Variants in NEMP2 observed in about 807,000 individuals in gnomAD.
NEMP2 encodes the protein UPF0571 transmembrane protein.
NEMP2 carries 53 observed loss-of-function variants against 54.2 expected under a neutral mutation model. The ratio of observed to expected loss-of-function variants is 0.98; its 90% CI spans 0.78 to 1.23. The LOEUF (loss-of-function observed/expected upper bound fraction) is 1.23. Among genes scored for constraint, NEMP2 ranks in the 50% most tolerant of loss-of-function variants. The pLI, the probability that NEMP2 is intolerant of heterozygous loss-of-function variation, is 0.00. For synonymous variants in NEMP2, 197 were observed against 190.3 expected (o/e 1.04, Z -0.29); for missense variants, 455 against 511.3 (o/e 0.89, Z 1.06).
At chr2:190,470,952 T>C in the NEMP2 span, among the ~76,000 whole-genome samples, 1 of 152,096 alleles carries the variant, frequency 6.6e-6, no homozygotes. Context: ...GATGCAATGG[T>C]GTAGCTAGTA....
At chr2:190,626,157 T>A in the NEMP2 span, 1 of 152,152 alleles carries the variant, frequency 6.6e-6, no homozygotes, top group Non-Finnish European at 1.5e-5. This position sits in a 1 kb window ranked among gnomAD's most constrained non-coding sequence, Gnocchi z 4.5. Context: ...AGGGCACTAA[T>A]CTTATTCATG....
chr2:190,547,842 A>G, the NEMP2 span, among the ~76,000 whole-genome samples: 111 of 152,318 alleles, frequency 7.3e-4, no homozygotes, highest in Middle Eastern at 0.01. This position sits in a 1 kb window ranked among gnomAD's most constrained non-coding sequence, Gnocchi z 6.2. Flanking sequence ...ATCCACAAAT[A>G]CTTCTTATTC....
downstream of NEMP2, chr2:190,501,180 G>A (rs982826715): frequency 1.6e-4 from 24 of 152,170 alleles, no homozygotes; most frequent in Admixed American, 1.0e-3. Flanking sequence ...AGATTTAAGT[G>A]CCTGGGGGAA....
At chr2:190,541,870 GT>G in the NEMP2 span, among the ~76,000 whole-genome samples, 24,984 of 149,876 alleles carry the variant, frequency 0.17, 2,212 homozygotes, top group Middle Eastern at 0.23. The surrounding 1 kb of genome is among the most constrained non-coding windows in gnomAD (Gnocchi z 5.2). Flanking sequence ...TTGGATAGCA[GT>G]TTTTTTTTTT....
At chr2:190,490,573 C>T in the NEMP2 span, among the ~76,000 whole-genome samples, 1 of 149,450 alleles carries the variant, frequency 6.7e-6, no homozygotes, top group Non-Finnish European at 1.5e-5. The surrounding 1 kb of genome is among the most constrained non-coding windows in gnomAD (Gnocchi z 4.5). Flanking sequence ...AAAAAAAAAA[C>T]AAAAAACAAA....
the NEMP2 span, among the ~76,000 whole-genome samples, chr2:190,543,184 G>T: frequency 6.6e-6 from 1 of 152,194 alleles, no homozygotes; most frequent in East Asian, 1.9e-4. This position sits in a 1 kb window ranked among gnomAD's most constrained non-coding sequence, Gnocchi z 4.7. Context: ...AATGAGGGAG[G>T]TCCCAAAGTG....
chr2:190,647,713 T>C, the NEMP2 span, among the ~76,000 whole-genome samples: 22,299 of 122,494 alleles, frequency 0.18, 1,446 homozygotes, highest in Non-Finnish European at 0.19. Context: ...TCTTCTTCTT[T>C]TTTTTTTTTT....
rs1169382203 is a variant in NEMP2 at position 190,521,539 on chromosome 2, CT to C, written c.214-2357del. Among the ~76,000 whole-genome samples the C allele has an allele frequency of 2.0e-5, 3 of 152,214 alleles. No homozygotes were observed. Among genetic ancestry groups the C allele is most frequent in the Non-Finnish European group, 4.4e-5 (3 of 68,034 alleles). ...AAGAAACAACCTTCTGTGGACTCCA[CT>C]TTTCCCTCCAACTACCACCCATTTC... On this transcript the variant is annotated intron_variant, in intron 2 of 8. Transcript: ENST00000409150. The surrounding 1 kb of genome is among the most constrained non-coding windows in gnomAD (Gnocchi z 6.2).
rs1385792533 is a variant in NEMP2, at chr2:190,530,205, C to G, written c.97+4354G>C. ...AGGAGGTTGTCCTGACTGTTCATGC[C>G]TATAGACACGCTAGTAAAAGCATGT... On this transcript the variant is annotated intron_variant, in intron 1 of 8. Transcript: ENST00000409150. The surrounding 1 kb of genome is among the most constrained non-coding windows in gnomAD (Gnocchi z 4.6). 6.6e-6 allele frequency among the ~76,000 whole-genome samples: 1 copy of G among 152,150 alleles called. No homozygotes were observed. The highest frequency in any genetic ancestry group is 1.9e-4 in the East Asian group (1 of 5,194).
chr2:190,481,103 G>A, the NEMP2 span, among the ~76,000 whole-genome samples: 6 of 152,204 alleles, frequency 3.9e-5, no homozygotes, highest in African/African-American at 7.2e-5. Context: ...GTTCTCATGT[G>A]TGGCTTCAGG....
the NEMP2 span, among the ~76,000 whole-genome samples, chr2:190,615,204 G>A: frequency 2.0e-5 from 3 of 152,168 alleles, no homozygotes; most frequent in Non-Finnish European, 4.4e-5. This position sits in a 1 kb window ranked among gnomAD's most constrained non-coding sequence, Gnocchi z 4.7. Flanking sequence ...AAATTCAGAT[G>A]CCAATCACAA....
At chr2:190,601,087 C>T in the NEMP2 span, among the ~76,000 whole-genome samples, 1 of 152,122 alleles carries the variant, frequency 6.6e-6, no homozygotes, top group Non-Finnish European at 1.5e-5. The surrounding 1 kb of genome is among the most constrained non-coding windows in gnomAD (Gnocchi z 5.8). Context: ...GAAATAGGGT[C>T]ATGGCAAGTG....
chr2:190,474,901 G>C, the NEMP2 span, among the ~76,000 whole-genome samples: 1 of 152,150 alleles, frequency 6.6e-6, no homozygotes, highest in African/African-American at 2.4e-5. Flanking sequence ...GGGATGCAAG[G>C]CTGGTTCAAC....
At chr2:190,553,195 C>T in the NEMP2 span, 1 of 151,970 alleles carries the variant, frequency 6.6e-6, no homozygotes, top group Non-Finnish European at 1.5e-5. Flanking sequence ...TCATTTAATC[C>T]TCAAAATAGT....
At chr2:190,481,671 G>T in the NEMP2 span, among the ~76,000 whole-genome samples, 1 of 152,218 alleles carries the variant, frequency 6.6e-6, no homozygotes, top group Non-Finnish European at 1.5e-5. Context: ...AGCCTAGCAG[G>T]CTATCTGGCA....
At chr2:190,499,878 C>G (rs1042460635), downstream of NEMP2, 4 of 1,555,350 alleles carry the variant, frequency 2.6e-6, no homozygotes, top group Non-Finnish European at 3.5e-6. This position sits in a 1 kb window ranked among gnomAD's most constrained non-coding sequence, Gnocchi z 6.0. Flanking sequence ...TATCCTTATT[C>G]CTCTATTACT....
chr2:190,444,239 G>C, the NEMP2 span, among the ~76,000 whole-genome samples: 4 of 152,178 alleles, frequency 2.6e-5, no homozygotes, highest in Non-Finnish European at 5.9e-5. Flanking sequence ...GACCTGTTTG[G>C]CCTGTGTTTT....
chr2:190,582,637 T>C, the NEMP2 span, among the ~76,000 whole-genome samples: 1 of 152,188 alleles, frequency 6.6e-6, no homozygotes. This position sits in a 1 kb window ranked among gnomAD's most constrained non-coding sequence, Gnocchi z 4.6. Flanking sequence ...TTGAAGAAGG[T>C]TGGCTTCTGA....
the NEMP2 span, chr2:190,497,857 A>G: frequency 2.0e-6 from 2 of 1,018,578 alleles, no homozygotes; most frequent in Non-Finnish European, 2.8e-6. The surrounding 1 kb of genome is among the most constrained non-coding windows in gnomAD (Gnocchi z 5.2). Flanking sequence ...AAACAATTTC[A>G]GTACTCTGTG....
Sources: allele counts gnomAD v4.1 joint callset (sites outside exome capture counted in the v4.1 genomes callset), GRCh38; gene constraint gnomAD v4.1.1; non-coding constraint Gnocchi (gnomAD v3.1); transcripts MANE v1.5; gene names NCBI Gene and HGNC (gene_info 2026-07-23, HGNC 2026-07-21).